Variants in GABRB3 observed in about 807,000 individuals in gnomAD.
GABRB3 encodes gamma-aminobutyric acid receptor subunit beta-3.
GABRB3 carries 14 observed loss-of-function variants against 52.1 expected under a neutral mutation model. The ratio of observed to expected loss-of-function variants is 0.27; its 90% confidence interval spans 0.18 to 0.42. The LOEUF is 0.42. GABRB3 is among the 10% of genes least tolerant of loss of function. The probability of loss-of-function intolerance (pLI) is 1.00; values close to 1 mark genes in which losing one functional copy is unlikely to be tolerated. For synonymous variants in GABRB3, 260 were observed against 232.3 expected (o/e 1.12, Z -1.08); for missense variants, 307 against 609.1 (o/e 0.50, Z 5.22).
chr15:26,561,202 G>C, intron 7 of GABRB3, 26 bp from the exon 8 acceptor site: 1 of 1,612,418 alleles, frequency 6.2e-7, no homozygotes, highest in Non-Finnish European at 8.5e-7. Context: ...AGTGGTGAGA[G>C]GCTGAAACTT....
At chr15:26,609,768 GAATA>G (rs1253531747) in intron 4 of GABRB3, among the ~76,000 whole-genome samples, 2 of 152,288 alleles carry the variant, frequency 1.3e-5, no homozygotes, top group South Asian at 2.1e-4. Context: ...GTTGCTGAGA[GAATA>G]AATTTGAAAT....
At chr15:26,737,090 T>C (rs891869478) in intron 3 of GABRB3, among the ~76,000 whole-genome samples, 1 of 152,202 alleles carries the variant, frequency 6.6e-6, no homozygotes, top group Non-Finnish European at 1.5e-5. Context: ...AGAAACTCTC[T>C]AGGTCTGTTC....
intron 3 of GABRB3, chr15:26,624,995 AGGT>A: frequency 1.0e-6 from 1 of 982,102 alleles, no homozygotes; most frequent in Non-Finnish European, 1.2e-6. Flanking sequence ...ACTAGGAGGC[AGGT>A]ATTATAATTA....
chr15:26,568,809 C>T (rs1051650171), intron 6 of GABRB3, among the ~76,000 whole-genome samples: 10 of 151,986 alleles, frequency 6.6e-5, no homozygotes, highest in African/African-American at 1.9e-4. Context: ...GCCACTGAGC[C>T]CGGCCTATTT....
At chr15:26,631,639 C>T (rs1383689984) in intron 3 of GABRB3, among the ~76,000 whole-genome samples, 1 of 152,304 alleles carries the variant, frequency 6.6e-6, no homozygotes, top group East Asian at 1.9e-4. Context: ...GTGGTGGTGA[C>T]TTCCTTTGTA....
At chr15:26,689,032 A>G (rs1375261847) in intron 3 of GABRB3, among the ~76,000 whole-genome samples, 1 of 152,244 alleles carries the variant, frequency 6.6e-6, no homozygotes, top group Non-Finnish European at 1.5e-5. Context: ...TGTCCTCGCC[A>G]CATTCCTGCA....
chr15:26,630,450 T>C (rs536947783), intron 3 of GABRB3, among the ~76,000 whole-genome samples: 1 of 152,350 alleles, frequency 6.6e-6, no homozygotes, highest in East Asian at 1.9e-4. Context: ...TTTTGCTGAA[T>C]TATAGTGGTT....
intron 3 of GABRB3, among the ~76,000 whole-genome samples, chr15:26,679,659 C>G (rs1888176258): frequency 6.6e-6 from 1 of 152,086 alleles, no homozygotes; most frequent in Non-Finnish European, 1.5e-5. Flanking sequence ...GAGCCAGAAA[C>G]AGTTCCCTCC....
chr15:26,718,498 C>G (rs141125344), intron 3 of GABRB3, among the ~76,000 whole-genome samples: 70 of 152,288 alleles, frequency 4.6e-4, no homozygotes, highest in African/African-American at 1.5e-3. Flanking sequence ...CGTGAGCCAC[C>G]GCGCCCAGCC....
rs1027250743 is a variant in GABRB3 at position 26,547,647 on chromosome 15, A to C, written c.*146T>G. On this transcript the variant is annotated 3_prime_UTR_variant, in exon 9 of 9. Coordinates refer to ENST00000311550, the MANE Select transcript of GABRB3 (RefSeq NM_000814.6). ...ACGTGTATTTTATATATATGCTGAGAAAGTTCACATATATATACAATTGCG... is the reference window on the plus strand; with the variant it reads ...ACGTGTATTTTATATATATGCTGAGCAAGTTCACATATATATACAATTGCG... 1 of 656,922 alleles carries C rather than the reference A, an allele frequency of 1.5e-6. No individual in the cohort carries two copies. Among genetic ancestry groups the C allele is most frequent in the African/African-American group, 1.8e-5 (1 of 55,182 alleles). 40.7% of individuals were successfully genotyped at this position (656,922 alleles called of 1,614,324 possible). A position where few individuals can be genotyped will look rare whatever the true frequency, so the allele number is the denominator to read the frequency against.
At chr15:26,751,076 A>G (rs1371563146) in intron 3 of GABRB3, among the ~76,000 whole-genome samples, 2 of 152,200 alleles carry the variant, frequency 1.3e-5, no homozygotes, top group Non-Finnish European at 2.9e-5. Context: ...ATCTTTCCAG[A>G]TAACAAAAGA....
intron 3 of GABRB3, chr15:26,629,119 C>G (rs1892829296): frequency 1.3e-6 from 2 of 1,528,842 alleles, no homozygotes; most frequent in South Asian, 2.4e-5. Context: ...CTGCTCTTTA[C>G]AGGAGAGGCT....
intron 6 of GABRB3, among the ~76,000 whole-genome samples, chr15:26,571,123 G>C (rs1890377772): frequency 6.6e-6 from 1 of 151,958 alleles, no homozygotes; most frequent in South Asian, 2.1e-4. Context: ...TTCAATATTG[G>C]CTCTTAATCT....
chr15:26,620,625 C>T (rs1163076187), intron 4 of GABRB3, among the ~76,000 whole-genome samples: 1 of 152,090 alleles, frequency 6.6e-6, no homozygotes, highest in Non-Finnish European at 1.5e-5. Flanking sequence ...AAAATCTATG[C>T]AAGAGACAGA....
At chr15:26,571,303 T>C (rs920005324) in intron 6 of GABRB3, among the ~76,000 whole-genome samples, 1 of 152,146 alleles carries the variant, frequency 6.6e-6, no homozygotes, top group Non-Finnish European at 1.5e-5. Flanking sequence ...GTAACAAAAA[T>C]TTTTCCTATA....
intron 3 of GABRB3, among the ~76,000 whole-genome samples, chr15:26,687,576 C>T (rs1162934652): frequency 6.6e-6 from 1 of 152,082 alleles, no homozygotes; most frequent in Non-Finnish European, 1.5e-5. Context: ...TCCCTCTCTC[C>T]CTTCCTTCCT....
At chr15:26,772,147 C>A in intron 3 of GABRB3, 1 of 411,808 alleles carries the variant, frequency 2.4e-6, no homozygotes. Context: ...CAGATGGGAG[C>A]ACTAGGCCGG....
chr15:26,609,856 A>T (rs1892002163), intron 4 of GABRB3, among the ~76,000 whole-genome samples: 1 of 152,208 alleles, frequency 6.6e-6, no homozygotes, highest in Admixed American at 6.5e-5. Flanking sequence ...TGATTTAATT[A>T]TTCTGAAACT....
intron 3 of GABRB3, among the ~76,000 whole-genome samples, chr15:26,736,643 T>C (rs558591792): frequency 6.6e-6 from 1 of 152,326 alleles, no homozygotes; most frequent in East Asian, 1.9e-4. Flanking sequence ...CATTCCAACT[T>C]CCATAGGGTG....
Sources: allele counts gnomAD v4.1 joint callset (sites outside exome capture counted in the v4.1 genomes callset), GRCh38; gene constraint gnomAD v4.1.1; transcripts MANE v1.5; gene names NCBI Gene and HGNC (gene_info 2026-07-23, HGNC 2026-07-21).